Variants in CNTNAP2 observed in about 807,000 individuals in gnomAD.
CNTNAP2 encodes contactin associated protein 2.
CNTNAP2 carries 98 observed loss-of-function variants against 155.2 expected under a neutral mutation model. That is an observed-to-expected ratio of 0.63 (90% CI 0.54 to 0.75). The LOEUF (loss-of-function observed/expected upper bound fraction) is 0.75, where lower values mean the gene tolerates loss of function less well. Among genes scored for constraint, CNTNAP2 ranks in the 30% least tolerant of loss-of-function variants. The pLI, the probability that CNTNAP2 is intolerant of heterozygous loss-of-function variation, is 0.00. For missense variants in CNTNAP2, 1,727 were observed against 1,688.1 expected (o/e 1.02, Z -0.40); for synonymous variants, 651 against 631.2 (o/e 1.03, Z -0.47).
At chr7:147,001,916 T>C (rs1798431483) in intron 3 of CNTNAP2, among the ~76,000 whole-genome samples, 1 of 151,984 alleles carries the variant, frequency 6.6e-6, no homozygotes, top group Non-Finnish European at 1.5e-5. Flanking sequence ...TTAAAAATGC[T>C]ATAATAAATA....
intron 17 of CNTNAP2, among the ~76,000 whole-genome samples, chr7:148,152,020 A>G (rs1275033724): frequency 6.6e-6 from 1 of 152,166 alleles, no homozygotes; most frequent in African/African-American, 2.4e-5. Context: ...TACAAATTAA[A>G]GCTGAAACAG....
intron 9 of CNTNAP2, among the ~76,000 whole-genome samples, chr7:147,304,870 G>A (rs1305973454): frequency 6.6e-6 from 1 of 152,126 alleles, no homozygotes; most frequent in Non-Finnish European, 1.5e-5. Flanking sequence ...CTAAGACCAA[G>A]GTATCAAAAT....
intron 1 of CNTNAP2, among the ~76,000 whole-genome samples, chr7:146,764,055 A>G (rs1027483191): frequency 3.3e-5 from 5 of 152,198 alleles, no homozygotes; most frequent in Admixed American, 6.5e-5. Flanking sequence ...GCTAAATGCT[A>G]ACTTTCAGTT....
chr7:148,363,278 C>T (rs1364671674), intron 21 of CNTNAP2, among the ~76,000 whole-genome samples: 6 of 152,212 alleles, frequency 3.9e-5, no homozygotes, highest in South Asian at 4.1e-4. Flanking sequence ...CCACCACGCA[C>T]GGCCTCAACA....
Position 147,600,121 on chromosome 7 carries a change from G to C in CNTNAP2, c.1897+37864G>C, listed in dbSNP as rs74356735. Among the ~76,000 whole-genome samples the C allele has an allele frequency of 6.3e-3, 966 of 152,292 alleles. 10 individuals are homozygous for C. The highest frequency in any genetic ancestry group is 0.022 in the African/African-American group (924 of 41,562). On this transcript the variant is annotated intron_variant, in intron 12 of 23. Coordinates refer to ENST00000361727, the MANE Select transcript of CNTNAP2 (RefSeq NM_014141.6). ...TTTCCTCATGCAGGAAATTGGAACA[G>C]ACCCTGGTCATGGGCGTGTTAAATC...
At chr7:147,888,246 A>C (rs1359679734) in intron 13 of CNTNAP2, among the ~76,000 whole-genome samples, 1 of 152,214 alleles carries the variant, frequency 6.6e-6, no homozygotes, top group Non-Finnish European at 1.5e-5. Context: ...ACTATTAAAA[A>C]TAATGGGTAA....
At chr7:146,624,583 C>G (rs916418508) in intron 1 of CNTNAP2, among the ~76,000 whole-genome samples, 4 of 151,974 alleles carry the variant, frequency 2.6e-5, no homozygotes, top group Non-Finnish European at 5.9e-5. Flanking sequence ...GTTTTCTACT[C>G]TCTTCCATTT....
At chr7:147,334,513 A>C (rs945102183) in intron 9 of CNTNAP2, among the ~76,000 whole-genome samples, 1 of 152,194 alleles carries the variant, frequency 6.6e-6, no homozygotes, top group African/African-American at 2.4e-5. Flanking sequence ...TAGAAGATAG[A>C]AATTGTTATA....
intron 1 of CNTNAP2, among the ~76,000 whole-genome samples, chr7:146,663,075 C>T (rs1048696901): frequency 2.6e-5 from 4 of 151,920 alleles, no homozygotes; most frequent in African/African-American, 7.3e-5. Flanking sequence ...GTCAGGAGTT[C>T]GAGACCAGCC....
chr7:148,382,594 CT>C (rs1272024250), intron 21 of CNTNAP2, among the ~76,000 whole-genome samples: 12 of 152,184 alleles, frequency 7.9e-5, no homozygotes, highest in Non-Finnish European at 1.5e-4. Flanking sequence ...TAGAGAGATG[CT>C]GGAGAAGAAC....
At chr7:146,241,415 G>A (rs1159038488) in intron 1 of CNTNAP2, among the ~76,000 whole-genome samples, 1 of 152,150 alleles carries the variant, frequency 6.6e-6, no homozygotes, top group Non-Finnish European at 1.5e-5. Flanking sequence ...TATTTAGCCA[G>A]ACAACAGTAA....
At chr7:147,985,449 G>A (rs893653488) in intron 15 of CNTNAP2, among the ~76,000 whole-genome samples, 1 of 144,114 alleles carries the variant, frequency 6.9e-6, no homozygotes, top group African/African-American at 2.6e-5. Context: ...AGGGCAAAGG[G>A]GAAGATTCCA....
intron 9 of CNTNAP2, among the ~76,000 whole-genome samples, chr7:147,300,545 A>T (rs1794929230): frequency 6.6e-6 from 1 of 152,204 alleles, no homozygotes; most frequent in Non-Finnish European, 1.5e-5. Flanking sequence ...AGGAGATTCT[A>T]AATTCATCCT....
chr7:147,438,013 G>A (rs899796270), intron 10 of CNTNAP2, among the ~76,000 whole-genome samples: 1 of 151,922 alleles, frequency 6.6e-6, no homozygotes, highest in African/African-American at 2.4e-5. Context: ...TTTTTTGTGT[G>A]CAGTCTTTAG....
At chr7:147,914,826 A>G (rs1267444501) in intron 14 of CNTNAP2, among the ~76,000 whole-genome samples, 4 of 152,202 alleles carry the variant, frequency 2.6e-5, no homozygotes, top group Non-Finnish European at 5.9e-5. Context: ...TACTGGGATT[A>G]CAGTTGTGAG....
chr7:147,919,405 C>G (rs1476026788), intron 14 of CNTNAP2, among the ~76,000 whole-genome samples: 1 of 151,388 alleles, frequency 6.6e-6, no homozygotes, highest in Non-Finnish European at 1.5e-5. Context: ...ACGTCAGCCT[C>G]CTGAGTTGCC....
At chr7:146,238,691 G>T (rs1376114743) in intron 1 of CNTNAP2, among the ~76,000 whole-genome samples, 1 of 151,968 alleles carries the variant, frequency 6.6e-6, no homozygotes, top group Non-Finnish European at 1.5e-5. Flanking sequence ...CTGCTATGAA[G>T]AAATACCTAT....
rs76852472 is a variant in CNTNAP2, at chr7:146,687,533, T to G, written c.98-86738T>G. Among the ~76,000 whole-genome samples, 640 of 152,294 alleles carry G rather than the reference T, an allele frequency of 4.2e-3. 1 individual carries two copies. The highest frequency in any genetic ancestry group is 0.015 in the African/African-American group (611 of 41,562). ...ACGACTCGACTTAAAAGTTTTCTGG[T>G]AGTTCTTATCTAAATGATGCAAATA... On this transcript the variant is annotated intron_variant, in intron 1 of 23. Coordinates refer to ENST00000361727, the MANE Select transcript of CNTNAP2 (RefSeq NM_014141.6).
At chr7:148,088,838 C>A (rs1022966759) in intron 15 of CNTNAP2, among the ~76,000 whole-genome samples, 5 of 151,746 alleles carry the variant, frequency 3.3e-5, no homozygotes, top group Non-Finnish European at 7.4e-5. Flanking sequence ...GATAACAAAG[C>A]CAGAAAAAGC....
Sources: allele counts gnomAD v4.1 joint callset (sites outside exome capture counted in the v4.1 genomes callset), GRCh38; gene constraint gnomAD v4.1.1; transcripts MANE v1.5; gene names NCBI Gene and HGNC (gene_info 2026-07-23, HGNC 2026-07-21).